Variants in CCDC30 observed in about 807,000 individuals in gnomAD.
CCDC30 encodes the protein coiled-coil domain containing 30.
A neutral mutation model predicts 100.2 loss-of-function variants in CCDC30; 70 were observed. That is an observed-to-expected ratio of 0.70 (90% CI 0.58 to 0.85). The LOEUF (loss-of-function observed/expected upper bound fraction) is 0.85, where lower values mean the gene tolerates loss of function less well. Among genes scored for constraint, CCDC30 ranks in the 40% least tolerant of loss-of-function variants. The pLI, the probability that CCDC30 is intolerant of heterozygous loss-of-function variation, is 0.00. For missense variants in CCDC30, 652 were observed against 771.2 expected (o/e 0.85, Z 1.83); for synonymous variants, 233 against 269.5 (o/e 0.86, Z 1.33).
chr1:42,489,749 A>G (rs1644107992), intron 3 of CCDC30, among the ~76,000 whole-genome samples: 1 of 152,238 alleles, frequency 6.6e-6, no homozygotes, highest in African/African-American at 2.4e-5. Flanking sequence ...TGATATTTCT[A>G]GCAGCTATTG....
chr1:42,648,080 A>T (rs1358358334), intron 15 of CCDC30, among the ~76,000 whole-genome samples: 2 of 152,000 alleles, frequency 1.3e-5, no homozygotes, highest in Non-Finnish European at 2.9e-5. Context: ...AGCTGGGATT[A>T]CAGGCATGTG....
chr1:42,592,588 C>CTGTAGTCTCAGCTA (rs1398052385), intron 10 of CCDC30: 3 of 152,076 alleles, frequency 2.0e-5, no homozygotes, highest in Non-Finnish European at 4.4e-5. Flanking sequence ...TGGCATACAC[C>CTGTAGTCTCAGCTA]TGTAGTCTCA....
At chr1:42,500,208 T>C (rs1644288320) in intron 6 of CCDC30, 1 of 1,562,814 alleles carries the variant, frequency 6.4e-7, no homozygotes, top group East Asian at 2.2e-5. Flanking sequence ...CGCCTCATTA[T>C]GATTCGCCTG....
intron 10 of CCDC30, among the ~76,000 whole-genome samples, chr1:42,600,907 C>CGAA (rs770813102): frequency 1.7e-4 from 26 of 151,890 alleles, no homozygotes; most frequent in Non-Finnish European, 2.5e-4. Context: ...GTCTTGCTTC[C>CGAA]CCTTCACCTT....
At chr1:42,457,228 C>T in the CCDC30 span, 1 of 1,613,786 alleles carries the variant, frequency 6.2e-7, no homozygotes. Flanking sequence ...TTGTTAACAC[C>T]TTGTGTTTCT....
At chr1:42,560,358 T>C (rs1645461256) in intron 6 of CCDC30, among the ~76,000 whole-genome samples, 2 of 152,012 alleles carry the variant, frequency 1.3e-5, no homozygotes, top group African/African-American at 4.8e-5. Context: ...TGGAGCTGTT[T>C]TTATTGTTGT....
intron 1 of CCDC30, among the ~76,000 whole-genome samples, chr1:42,477,092 TC>T (rs199637321): frequency 0.15 from 23,328 of 150,632 alleles, 1,863 homozygotes; most frequent in East Asian, 0.18. Context: ...CTTTTTTTTT[TC>T]CCCCCTCTAC....
chr1:42,566,392 GC>G lies in CCDC30; in HGVS notation c.554del (p.Ala185ValfsTer15). The G allele has an allele frequency of 6.2e-7, 1 of 1,613,996 alleles. No homozygotes were observed. ...CCGGCTCCAGATTCTATGCAACTCA[GC>G]TGAAAATGAGCTTCGATATGAACGA... On this transcript the variant is annotated frameshift_variant, in exon 7 of 17. Coordinates refer to ENST00000668663, the Ensembl canonical transcript of CCDC30. LOFTEE classifies it high-confidence loss of function.
At chr1:42,552,637 G>T (rs368237029) in intron 6 of CCDC30, among the ~76,000 whole-genome samples, 27 of 152,234 alleles carry the variant, frequency 1.8e-4, no homozygotes, top group South Asian at 1.7e-3. Context: ...GTAATTGCAG[G>T]AGGAAGGGTT....
intron 10 of CCDC30, among the ~76,000 whole-genome samples, chr1:42,610,704 T>A (rs1387021000): frequency 6.6e-6 from 1 of 152,080 alleles, no homozygotes; most frequent in Non-Finnish European, 1.5e-5. Flanking sequence ...GGATTATGGG[T>A]GTGAGTCATC....
intron 10 of CCDC30, among the ~76,000 whole-genome samples, chr1:42,599,198 T>TAC (rs1051389369): frequency 1.3e-5 from 2 of 152,158 alleles, no homozygotes; most frequent in Non-Finnish European, 2.9e-5. Context: ...TAAATATATA[T>TAC]ACACACACAT....
intron 9 of CCDC30, among the ~76,000 whole-genome samples, chr1:42,587,166 A>T (rs972915677): frequency 2.6e-5 from 4 of 151,888 alleles, no homozygotes; most frequent in Admixed American, 2.6e-4. Flanking sequence ...CCTAATTTTT[A>T]AAAAATTTTT....
chr1:42,635,882 A>G (rs551848726), intron 11 of CCDC30, among the ~76,000 whole-genome samples: 1 of 152,110 alleles, frequency 6.6e-6, no homozygotes, highest in African/African-American at 2.4e-5. Context: ...AAGAGACTAT[A>G]CTATTTTATA....
chr1:42,536,342 C>G, intron 6 of CCDC30, 134 bp from the exon 7 acceptor site: 1 of 545,526 alleles, frequency 1.8e-6, no homozygotes, highest in Non-Finnish European at 3.1e-6. Flanking sequence ...ATCTTATGAG[C>G]TATAAACTAG....
intron 11 of CCDC30, among the ~76,000 whole-genome samples, chr1:42,620,328 T>A (rs1646806460): frequency 6.6e-6 from 1 of 152,086 alleles, no homozygotes; most frequent in African/African-American, 2.4e-5. Flanking sequence ...TGCAACAAAC[T>A]CCTGTGGCAC....
intron 6 of CCDC30, among the ~76,000 whole-genome samples, chr1:42,526,349 T>A (rs566482563): frequency 8.5e-5 from 13 of 152,194 alleles, no homozygotes; most frequent in Admixed American, 8.5e-4. Context: ...TTTTTTTCTT[T>A]TTCCATGACC....
intron 10 of CCDC30, among the ~76,000 whole-genome samples, chr1:42,601,958 A>G (rs983419460): frequency 7.2e-5 from 11 of 152,222 alleles, no homozygotes; most frequent in Non-Finnish European, 1.5e-4. Flanking sequence ...TCAGAAATTC[A>G]TCAGATAAAT....
At position 42,482,819 on chromosome 1, in the gene CCDC30, A is replaced by G. The variant is rs1357296646; in HGVS notation, c.169+3A>G. On this transcript the variant is annotated splice_donor_region_variant and intron_variant, in intron 3 of 16. Transcript: ENST00000668663. ...GGAGAAGGAACAATGTAAATTAGGT[A>G]AGCTGTGGTTTCAGATGACCATTTC... 2 of 1,233,562 alleles carry G rather than the reference A, an allele frequency of 1.6e-6. No individual in the cohort carries two copies. The highest frequency in any genetic ancestry group is 2.0e-6 in the Non-Finnish European group (2 of 987,692). 76.4% of individuals were successfully genotyped at this position (1,233,562 alleles called of 1,614,324 possible). A position where few individuals can be genotyped will look rare whatever the true frequency, so the allele number is the denominator to read the frequency against.
chr1:42,579,909 C>T (rs1250522541), intron 8 of CCDC30, among the ~76,000 whole-genome samples: 1 of 150,270 alleles, frequency 6.7e-6, no homozygotes, highest in African/African-American at 2.5e-5. Flanking sequence ...GCAGGAGGAT[C>T]ACCTGGGCAA....
Sources: gnomAD v4.1 joint callset for allele counts (sites outside exome capture counted in the v4.1 genomes callset) on GRCh38, gnomAD v4.1.1 for gene constraint, MANE v1.5 for transcripts, NCBI Gene and HGNC (gene_info 2026-07-23, HGNC 2026-07-21) for gene names.